The following MYH13 variants were observed in gnomAD, a reference collection of about 807,000 sequenced individuals.
The protein encoded by MYH13 is myosin heavy chain 13.
In MYH13, 177 loss-of-function variants were observed where a neutral mutation model predicts 232.1. The ratio of observed to expected loss-of-function variants is 0.76; its 90% CI spans 0.67 to 0.86. The LOEUF (loss-of-function observed/expected upper bound fraction) is 0.86, where lower values mean the gene tolerates loss of function less well. Ranked by LOEUF, MYH13 falls within the 40% of genes least tolerant of loss-of-function variation. MYH13 has a pLI of 0.00. For missense variants in MYH13, 2,246 were observed against 2,405.9 expected (o/e 0.93, Z 1.39); for synonymous variants, 884 against 923.5 (o/e 0.96, Z 0.78).
rs778696958 is a variant in MYH13, at chr17:10,320,438, C to A, written c.3170G>T (p.Arg1057Met). The change falls in exon 25 of 41, where the codon AGG (arginine) becomes ATG (methionine). Residue 1057 changes from arginine to methionine, a missense_variant. Physicochemically the swap from Arg to Met is moderately conservative, Grantham distance 91. Coordinates refer to ENST00000252172, the MANE Select transcript of MYH13 (RefSeq NM_003802.3). The part of the protein sequence containing the change: ...KLRADLERAK[R>M]KLEGDLKMSQ... The stretch of plus-strand genomic sequence containing the variant: ...CATTTTCAGATCTCCTTCCAGCTTC[C>A]TCTTCGCCCTTTCCAAGTCCGCCCG... 6.2e-7 allele frequency: 1 copy of A among 1,613,584 alleles called. No individual in the cohort carries two copies. The highest frequency in any genetic ancestry group is 1.7e-5 in the Admixed American group (1 of 59,982).
In MYH13 at chr17:10,354,876, A is replaced by G. The variant is rs1427749671; in HGVS notation, c.901+19T>C. On this transcript the variant is annotated intron_variant, in intron 10 of 40. Coordinates refer to ENST00000252172, the MANE Select transcript of MYH13 (RefSeq NM_003802.3). The stretch of plus-strand genomic sequence containing the variant: ...ACGTCACCGATTTGGAACATAAGAA[A>G]GGTATTCCAAGAGCTTACCAATTAG... The G allele has an allele frequency of 6.9e-6, 11 of 1,589,420 alleles. No individual in the cohort carries two copies. Among genetic ancestry groups the G allele is most frequent in the Non-Finnish European group, 9.5e-6 (11 of 1,157,808 alleles).
chr17:10,357,030 G>A (rs147862495), intron 8 of MYH13, among the ~76,000 whole-genome samples: 2,194 of 152,012 alleles, frequency 0.014, 73 homozygotes, highest in African/African-American at 0.05. Flanking sequence ...TTGCAACTTC[G>A]GCTCCCTGCA....
intron 8 of MYH13, 42 bp downstream of exon 8, chr17:10,357,693 T>C: frequency 1.3e-6 from 2 of 1,561,528 alleles, no homozygotes. Flanking sequence ...CAGGAGAGGG[T>C]ATGCTTTTGG....
At chr17:10,326,539 C>T (rs936112062) in intron 22 of MYH13, among the ~76,000 whole-genome samples, 5 of 151,488 alleles carry the variant, frequency 3.3e-5, no homozygotes, top group Admixed American at 6.6e-5. Flanking sequence ...GGCACGATCT[C>T]GGCTCACTGC....
intron 11 of MYH13, 87 bp from the exon 12 acceptor site, chr17:10,350,781 G>A: frequency 6.5e-7 from 1 of 1,535,874 alleles, no homozygotes; most frequent in Non-Finnish European, 9.0e-7. Context: ...CCTCTTTTTT[G>A]TATAGCATAT....
chr17:10,327,776 G>A (rs1470440524), intron 22 of MYH13, 90 bp downstream of exon 22: 4 of 1,515,314 alleles, frequency 2.6e-6, no homozygotes, highest in South Asian at 1.2e-5. Context: ...ACTGTCTCTC[G>A]AATAGACACC....
chr17:10,331,914 A>C (rs930709887), intron 20 of MYH13, among the ~76,000 whole-genome samples, 185 bp downstream of exon 20: 3 of 152,060 alleles, frequency 2.0e-5, no homozygotes, highest in Non-Finnish European at 2.9e-5. Flanking sequence ...CTAAGCTTTC[A>C]GCCACTTACA....
chr17:10,328,978 T>C (rs1597380156), intron 21 of MYH13, among the ~76,000 whole-genome samples: 1 of 152,114 alleles, frequency 6.6e-6, no homozygotes, highest in Admixed American at 6.6e-5. Context: ...ACAACCAGCC[T>C]GTATTCCTAA....
At chr17:10,353,718 C>A (rs1472800678) in intron 11 of MYH13, among the ~76,000 whole-genome samples, 2 of 151,840 alleles carry the variant, frequency 1.3e-5, no homozygotes, top group Admixed American at 6.6e-5. Context: ...TACACACACA[C>A]AAAATTAGCC....
At chr17:10,331,348 A>G (rs1468967175) in intron 20 of MYH13, among the ~76,000 whole-genome samples, 2 of 152,118 alleles carry the variant, frequency 1.3e-5, no homozygotes, top group African/African-American at 4.8e-5. Flanking sequence ...CGTTTCTGAG[A>G]TGTGGATCTT....
At position 10,313,247 on chromosome 17, in the gene MYH13, C is replaced by T. The variant is rs149852910; in HGVS notation, c.4092G>A (p.Ala1364=). 1,824 of 1,614,222 alleles carry T rather than the reference C, an allele frequency of 1.1e-3. 31 individuals are homozygous for T. The East Asian group carries it at 0.033, about 29-fold the overall frequency. The change falls in exon 30 of 41, where the codon GCG becomes GCA. Residue 1364 remains alanine (A), a synonymous_variant. Transcript: ENST00000252172. ...EQEAKAELQR[A]LSKANSEVAQ... ...CAACCTCACTGTTGGCCTTGGACAG[C>T]GCCCTCTGCAGCTCGGCCTTGGCTT...
intron 16 of MYH13, among the ~76,000 whole-genome samples, chr17:10,343,047 A>G (rs1379205155): frequency 6.7e-6 from 1 of 148,732 alleles, no homozygotes; most frequent in African/African-American, 2.5e-5. Context: ...CCGAGATTGC[A>G]CCACTGCACT....
At chr17:10,347,496 A>G (rs1003243318) in intron 12 of MYH13, among the ~76,000 whole-genome samples, 3 of 152,188 alleles carry the variant, frequency 2.0e-5, no homozygotes, top group Non-Finnish European at 4.4e-5. Context: ...TAAGCAAAGT[A>G]CCATGCTCAT....
chr17:10,365,201 C>A (rs1179695601), intron 2 of MYH13, among the ~76,000 whole-genome samples: 1 of 152,176 alleles, frequency 6.6e-6, no homozygotes, highest in Admixed American at 6.5e-5. Flanking sequence ...AATCGCTCAT[C>A]GTGTTTGAGC....
rs545346415 is a variant in MYH13 at position 10,345,701 on chromosome 17, T to C, written c.1264-85A>G. On this transcript the variant is annotated intron_variant, in intron 13 of 40. Transcript: ENST00000252172. ...GAAACATATGAAATTGACTCGAAAA[T>C]CAAAAGCTGTTGGCTAGGCGTGGTG... 262 of 1,608,122 alleles carry C rather than the reference T, an allele frequency of 1.6e-4. 1 individual carries two copies. The highest frequency in any genetic ancestry group is 5.0e-4 in the Middle Eastern group (3 of 6,058).
chr17:10,340,533 G>GTTTC, intron 16 of MYH13, 132 bp from the exon 17 acceptor site: 1 of 686,062 alleles, frequency 1.5e-6, no homozygotes, highest in East Asian at 2.7e-5. Context: ...TTGTTTGTTT[G>GTTTC]TTTTAGACGG....
chr17:10,311,499 G>A (rs1410569901), intron 32 of MYH13, among the ~76,000 whole-genome samples: 1 of 152,164 alleles, frequency 6.6e-6, no homozygotes, highest in African/African-American at 2.4e-5. Flanking sequence ...AAACAACTGT[G>A]GGGAAAACGC....
intron 18 of MYH13, among the ~76,000 whole-genome samples, chr17:10,339,603 T>G (rs1393052552): frequency 6.6e-6 from 1 of 152,222 alleles, no homozygotes; most frequent in Non-Finnish European, 1.5e-5. Context: ...AGAGCCTTTA[T>G]CTTATGAAAG....
chr17:10,324,384 A>G (rs951334738), intron 22 of MYH13, 120 bp from the exon 23 acceptor site: 2 of 1,120,316 alleles, frequency 1.8e-6, no homozygotes, highest in African/African-American at 3.1e-5. Flanking sequence ...TCATGCACAC[A>G]CATGCACGCA....
Sources: gnomAD v4.1 joint callset for allele counts (sites outside exome capture counted in the v4.1 genomes callset) on GRCh38, gnomAD v4.1.1 for gene constraint, MANE v1.5 for transcripts, NCBI Gene and HGNC (gene_info 2026-07-23, HGNC 2026-07-21) for gene names.